The following ZNF324B variants were observed in gnomAD, a reference collection of about 807,000 sequenced individuals.
The protein encoded by ZNF324B is zinc finger protein 324B.
In ZNF324B, 7 loss-of-function variants were observed where a neutral mutation model predicts 10.6. The ratio of observed to expected loss-of-function variants is 0.66; its 90% CI spans 0.38 to 1.24. The LOEUF is 1.24. Among genes scored for constraint, ZNF324B ranks in the 50% most tolerant of loss-of-function variants. The pLI is 0.02. For synonymous variants in ZNF324B, 316 were observed against 321.0 expected (o/e 0.98, Z 0.17); for missense variants, 640 against 764.7 (o/e 0.84, Z 1.92).
chr19:58,428,110 C>T, the ZNF324B span, among the ~76,000 whole-genome samples: 1 of 152,190 alleles, frequency 6.6e-6, no homozygotes, highest in East Asian at 1.9e-4. Context: ...GGCTTCTGCT[C>T]ACAATGTGGT....
the ZNF324B span, among the ~76,000 whole-genome samples, chr19:58,423,161 A>G: frequency 0.57 from 82,979 of 146,484 alleles, 24,316 homozygotes; most frequent in African/African-American, 0.78. Flanking sequence ...GAACCACCAC[A>G]CCCGGCTGTT....
chr19:58,420,008 G>T, the ZNF324B span, among the ~76,000 whole-genome samples: 2 of 152,288 alleles, frequency 1.3e-5, no homozygotes, highest in African/African-American at 4.8e-5. Flanking sequence ...TAGGCTGGGC[G>T]TGGTGGTCGA....
the ZNF324B span, chr19:58,445,573 T>C: frequency 2.1e-6 from 1 of 486,236 alleles, no homozygotes; most frequent in Non-Finnish European, 4.1e-6. Context: ...CCCAGCACTT[T>C]GGGAGGCTAA....
At chr19:58,447,132 T>TGC (rs1400742266), upstream of ZNF324B, among the ~76,000 whole-genome samples, 2 of 152,144 alleles carry the variant, frequency 1.3e-5, no homozygotes, top group African/African-American at 4.8e-5. Flanking sequence ...TGTGCCACCA[T>TGC]GCCTGGCTAA....
rs897244807 is a variant in ZNF324B at position 58,456,535 on chromosome 19, C to G, written c.1591C>G (p.Arg531Gly). 6 of 1,613,968 alleles carry G rather than the reference C, an allele frequency of 3.7e-6. No individual in the cohort carries two copies. Among genetic ancestry groups the G allele is most frequent in the Non-Finnish European group, 5.1e-6 (6 of 1,180,002 alleles). Residue 531 changes from arginine to glycine, a missense_variant, in exon 4 of 4, where the codon CGG (arginine) becomes GGG (glycine). Arg to Gly is a moderately radical substitution (Grantham distance 125, BLOSUM62 -2). Around this residue, in one of 3 missense-constraint regions of ZNF324B, gnomAD observed 238 missense variants for 258.0 expected, o/e 0.92. Coordinates refer to ENST00000336614, the MANE Select transcript of ZNF324B (RefSeq NM_207395.3). This position sits in a 1 kb window ranked among gnomAD's most constrained non-coding sequence, Gnocchi z 4.7. The part of the protein sequence containing the change: ...FLQGHHRKVR[R>G]GGKPSPVLKP... Reference sequence around the variant, plus strand: ...TCAGGGACATCATCGGAAGGTGCGCCGGGGAGGGAAGCCAAGCCCAGTCCT... The same window carrying G: ...TCAGGGACATCATCGGAAGGTGCGCGGGGGAGGGAAGCCAAGCCCAGTCCT...
At chr19:58,453,279 G>C in intron 1 of ZNF324B, 1 of 250,652 alleles carries the variant, frequency 4.0e-6, no homozygotes, top group South Asian at 4.4e-5. Context: ...AAGCGCAGCA[G>C]GGGAAGGTCT....
At chr19:58,420,135 T>A in the ZNF324B span, among the ~76,000 whole-genome samples, 12 of 151,948 alleles carry the variant, frequency 7.9e-5, no homozygotes, top group Admixed American at 3.9e-4. Flanking sequence ...TACAAAAAAA[T>A]TGGCTGGGTG....
chr19:58,442,974 T>G, the ZNF324B span: 1 of 152,232 alleles, frequency 6.6e-6, no homozygotes, highest in East Asian at 1.9e-4. Flanking sequence ...CCTGCCCACA[T>G]CCTGCTGATT....
intron 3 of ZNF324B, among the ~76,000 whole-genome samples, chr19:58,454,775 T>G (rs935424936): frequency 6.6e-6 from 1 of 151,870 alleles, no homozygotes; most frequent in Non-Finnish European, 1.5e-5. Context: ...GATTCAGGAG[T>G]GCAGTCTTGA....
the ZNF324B span, chr19:58,443,975 A>G: frequency 6.6e-6 from 1 of 152,404 alleles, no homozygotes; most frequent in East Asian, 1.9e-4. Flanking sequence ...ACAAATGAAG[A>G]GACCTGGCTG....
chr19:58,435,181 G>GC, the ZNF324B span: 1 of 1,613,874 alleles, frequency 6.2e-7, no homozygotes, highest in Non-Finnish European at 8.5e-7. Context: ...CTTGGGATGG[G>GC]CCCCCTCACC....
At chr19:58,450,985 C>A (rs188878962), upstream of ZNF324B, among the ~76,000 whole-genome samples, 333 of 152,312 alleles carry the variant, frequency 2.2e-3, 2 homozygotes, top group African/African-American at 7.7e-3. Context: ...ACCTTCTGCT[C>A]GTCCAAGTTA....
In ZNF324B at chr19:58,455,774, G is replaced by A; in HGVS notation, c.830G>A (p.Arg277His). The A allele has an allele frequency of 1.9e-6, 3 of 1,614,066 alleles. No homozygotes were observed. The highest frequency in any genetic ancestry group is 2.2e-5 in the South Asian group (2 of 91,088). ...VKSSDLLKHL[R>H]THTGERPYEC... Reference sequence around the variant, plus strand: ...AGCTCCGACCTCCTCAAGCACCTACGCACCCACACCGGGGAGCGGCCCTAC... The same window carrying A: ...AGCTCCGACCTCCTCAAGCACCTACACACCCACACCGGGGAGCGGCCCTAC... Residue 277 changes from arginine (R) to histidine (H), a missense_variant, in exon 4 of 4, where the codon CGC becomes CAC. Physicochemically the swap from Arg to His is conservative, Grantham distance 29 (BLOSUM62 0). Around this residue, in one of 3 missense-constraint regions of ZNF324B, gnomAD observed 345 missense variants for 387.9 expected, o/e 0.89. Coordinates refer to ENST00000336614, the MANE Select transcript of ZNF324B (RefSeq NM_207395.3). This position sits in a 1 kb window ranked among gnomAD's most constrained non-coding sequence, Gnocchi z 7.0.
chr19:58,454,165 C>T, intron 2 of ZNF324B, 63 bp from the exon 3 acceptor site: 1 of 1,070,522 alleles, frequency 9.3e-7, no homozygotes, highest in Non-Finnish European at 1.4e-6. Flanking sequence ...CTGACTCCTG[C>T]TCTCTGTTGG....
upstream of ZNF324B, among the ~76,000 whole-genome samples, chr19:58,450,204 T>G (rs2052845532): frequency 6.6e-6 from 1 of 152,296 alleles, no homozygotes; most frequent in East Asian, 1.9e-4. Context: ...CCTTCTGTCA[T>G]GATTGTGAGG....
At chr19:58,452,121 C>T (rs12980697) in intron 1 of ZNF324B, 34,540 of 160,428 alleles carry the variant, frequency 0.22, 3,666 homozygotes, top group African/African-American at 0.25. Context: ...CAAACTCCTG[C>T]GTCCAGGGCA....
rs753157935 is a variant in ZNF324B, at chr19:58,456,264, C to T, written c.1320C>T (p.Leu440=). The change falls in exon 4 of 4, where the codon CTC becomes CTT. Residue 440 remains leucine (L), a synonymous_variant. Coordinates refer to ENST00000336614, the MANE Select transcript of ZNF324B (RefSeq NM_207395.3). This position sits in a 1 kb window ranked among gnomAD's most constrained non-coding sequence, Gnocchi z 4.7. Reference sequence around the variant, plus strand: ...GCTCCTTTAGCCGCAGCTCCAACCTCACCCAGCACCAGCTCCTGCACACGG... The same window carrying T: ...GCTCCTTTAGCCGCAGCTCCAACCTTACCCAGCACCAGCTCCTGCACACGG... ...CGRSFSRSSN[L]TQHQLLHTGE... 1.2e-6 allele frequency: 2 copies of T among 1,613,152 alleles called. No individual in the cohort carries two copies. Among genetic ancestry groups the T allele is most frequent in the East Asian group, 2.2e-5 (1 of 44,880 alleles).
the ZNF324B span, chr19:58,439,683 A>G: frequency 2.8e-5 from 40 of 1,427,522 alleles, no homozygotes; most frequent in Admixed American, 8.9e-4. Context: ...GGACACCAAC[A>G]TCCCCTCTAT....
the ZNF324B span, chr19:58,444,346 AGTT>A: frequency 2.0e-5 from 3 of 152,204 alleles, no homozygotes; most frequent in Admixed American, 6.5e-5. Context: ...ATCTTTAAAT[AGTT>A]GTTATCTGCA....
Sources: gnomAD v4.1 joint callset for allele counts (sites outside exome capture counted in the v4.1 genomes callset) on GRCh38, gnomAD v4.1.1 for gene constraint, gnomAD v4.1.1 regional missense constraint, Gnocchi (gnomAD v3.1) non-coding constraint, MANE v1.5 for transcripts, NCBI Gene and HGNC (gene_info 2026-07-23, HGNC 2026-07-21) for gene names.